The following PAAF1 variants were observed in gnomAD, a reference collection of about 807,000 sequenced individuals.
The protein encoded by PAAF1 is proteasomal ATPase-associated factor 1.
In PAAF1, 46 loss-of-function variants were observed where a neutral mutation model predicts 52.8. That is an observed-to-expected ratio of 0.87 (90% CI 0.69 to 1.11). PAAF1 has a LOEUF of 1.11. PAAF1 is among the 50% of genes most tolerant of loss of function. The pLI is 0.00. For synonymous variants in PAAF1, 178 were observed against 172.8 expected, an observed-to-expected ratio of 1.03 and a Z score of -0.24; for missense variants, 424 against 477.4, an observed-to-expected ratio of 0.89 and a Z score of 1.04.
In PAAF1 at chr11:73,900,344, G is replaced by C; in HGVS notation, c.456G>C (p.Gly152=). Residue 152 remains glycine, a synonymous_variant, in exon 6 of 12, where the codon GGG becomes GGC. Transcript: ENST00000310571. Reference sequence around the variant, plus strand: ...CATCAGGCCTTGTGGTCCTGAGTGGGGGAATGGATGCCCAGCTGAAGATAT... The same window carrying C: ...CATCAGGCCTTGTGGTCCTGAGTGGCGGAATGGATGCCCAGCTGAAGATAT... ...FFPSGLVVLS[G]GMDAQLKIWS... The C allele has an allele frequency of 1.1e-5, 17 of 1,613,036 alleles. No individual in the cohort carries two copies. The highest frequency in any genetic ancestry group is 1.4e-5 in the Non-Finnish European group (16 of 1,179,218).
At chr11:73,917,318 C>T (rs1346865103) in intron 9 of PAAF1, among the ~76,000 whole-genome samples, 2 of 152,058 alleles carry the variant, frequency 1.3e-5, no homozygotes, top group African/African-American at 2.4e-5. Flanking sequence ...TGTACCCAGC[C>T]CTGAATGATC....
At chr11:73,925,742 T>A (rs751512100) in intron 11 of PAAF1, among the ~76,000 whole-genome samples, 6 of 152,194 alleles carry the variant, frequency 3.9e-5, no homozygotes, top group Non-Finnish European at 7.3e-5. Flanking sequence ...TTTGTTACTA[T>A]TTGTTGAGGT....
chr11:73,882,804 C>T (rs1443567418), intron 2 of PAAF1, among the ~76,000 whole-genome samples: 4 of 152,014 alleles, frequency 2.6e-5, no homozygotes, highest in East Asian at 3.9e-4. Context: ...GGGGTTTCAC[C>T]GTGTTAAGCA....
intron 2 of PAAF1, among the ~76,000 whole-genome samples, chr11:73,883,678 G>A (rs148912854): frequency 0.011 from 1,657 of 152,026 alleles, 21 homozygotes; most frequent in African/African-American, 0.035. Flanking sequence ...CACCACACCC[G>A]GGTAATTTTT....
intron 4 of PAAF1, among the ~76,000 whole-genome samples, chr11:73,896,990 A>G: frequency 1.1e-5 from 1 of 89,714 alleles, no homozygotes; most frequent in African/African-American, 4.5e-5. Context: ...TGACCCCCCC[A>G]CCTCCCTCCT....
chr11:73,911,357 T>A (rs1419725360), intron 7 of PAAF1, among the ~76,000 whole-genome samples: 1 of 152,152 alleles, frequency 6.6e-6, no homozygotes, highest in Non-Finnish European at 1.5e-5. Flanking sequence ...TACTTTTTTT[T>A]ATTTTTGTAG....
intron 6 of PAAF1, among the ~76,000 whole-genome samples, chr11:73,907,214 G>A (rs907348276): frequency 1.3e-5 from 2 of 151,888 alleles, no homozygotes; most frequent in Non-Finnish European, 2.9e-5. Flanking sequence ...CTATAAAATC[G>A]ATAGGCATTT....
At chr11:73,909,006 T>A (rs1477416729) in intron 6 of PAAF1, among the ~76,000 whole-genome samples, 1 of 152,072 alleles carries the variant, frequency 6.6e-6, no homozygotes, top group Non-Finnish European at 1.5e-5. Flanking sequence ...AGGCTGGTCT[T>A]GAACTGCTGA....
intron 2 of PAAF1, 32 bp downstream of exon 2, chr11:73,878,851 T>A (rs201296473): frequency 5.7e-5 from 92 of 1,603,108 alleles, no homozygotes; most frequent in Non-Finnish European, 7.7e-5. Context: ...TGCTGTGACT[T>A]TAAAGGAGAA....
intron 10 of PAAF1, among the ~76,000 whole-genome samples, chr11:73,919,589 G>A (rs1950155412): frequency 6.6e-6 from 1 of 152,236 alleles, no homozygotes; most frequent in Non-Finnish European, 1.5e-5. Flanking sequence ...CTGCTATGTA[G>A]TAGGTACTGT....
At chr11:73,919,994 G>C (rs894352096) in intron 10 of PAAF1, among the ~76,000 whole-genome samples, 10 of 152,100 alleles carry the variant, frequency 6.6e-5, no homozygotes, top group African/African-American at 2.4e-4. Context: ...AACTAAGTCA[G>C]TGGTATTCTG....
intron 2 of PAAF1, among the ~76,000 whole-genome samples, chr11:73,882,435 ATTAT>A (rs754294044): frequency 7.3e-6 from 1 of 137,018 alleles, no homozygotes; most frequent in East Asian, 2.1e-4. Context: ...TTTTATTTTT[ATTAT>A]TTATTTATTT....
Position 73,887,347 on chromosome 11 carries a change from C to T in PAAF1, c.89-7C>T. The T allele has an allele frequency of 6.3e-7, 1 of 1,594,540 alleles. No individual in the cohort carries two copies. The highest frequency in any genetic ancestry group is 8.5e-7 in the Non-Finnish European group (1 of 1,169,962). On this transcript the variant is annotated splice_polypyrimidine_tract_variant and splice_region_variant and intron_variant, in intron 2 of 11. Transcript: ENST00000310571. ...TTTTTGAGACATGCTTCTTTTGTAC[C>T]ATATAGGGAAACCATCTTTGTATGG...
At chr11:73,886,910 C>A in intron 2 of PAAF1, 1 of 373,562 alleles carries the variant, frequency 2.7e-6, no homozygotes. Context: ...AGTTCTCACT[C>A]TGTTCTTTCC....
intron 4 of PAAF1, among the ~76,000 whole-genome samples, chr11:73,896,192 C>G (rs557304099): frequency 6.8e-6 from 1 of 147,164 alleles, no homozygotes; most frequent in East Asian, 2.0e-4. Context: ...TCTGAAAGAT[C>G]TATATCTGTA....
intron 4 of PAAF1, among the ~76,000 whole-genome samples, chr11:73,895,805 T>A (rs1439935248): frequency 6.6e-6 from 1 of 152,184 alleles, no homozygotes; most frequent in African/African-American, 2.4e-5. Context: ...TGATTGCTGA[T>A]ACTGAAATTA....
rs1215181984 is a variant in PAAF1, at chr11:73,924,648, TA to T, written c.1053del (p.Asp352ThrfsTer17). 1.2e-5 allele frequency: 20 copies of T among 1,614,096 alleles called. No individual in the cohort carries two copies. The East Asian group carries it at 4.2e-4, about 34-fold the overall frequency. ...AGCTGTTTTATTGTCCAGCAAGACT[TA>T]GACTATGTCACTGAGCTCACTGGGG... Reference protein sequence around the residue: ...DGSCFIVQQDLDYVTELTGAD... With the variant: ...DGSCFIVQQDXDYVTELTGAD... On this transcript the variant is annotated frameshift_variant, in exon 11 of 12. Coordinates refer to ENST00000310571, the MANE Select transcript of PAAF1 (RefSeq NM_025155.3). LOFTEE classifies it high-confidence loss of function.
In PAAF1 at chr11:73,877,087, CAG is replaced by C. The variant is rs1948762644; in HGVS notation, c.47+22_47+23del. 2 of 1,520,594 alleles carry C rather than the reference CAG, an allele frequency of 1.3e-6. No individual in the cohort carries two copies. The highest frequency in any genetic ancestry group is 2.5e-5 in the South Asian group (2 of 80,022). The allele number at this position is 1,520,594 out of a possible 1,614,324, so 94.2% of individuals were successfully genotyped here. ...CCCTCAGGTGAATCCAGGCCCAGAA[CAG>C]AGTCAGAGGAGGCGGGTAGTGGATG... On this transcript the variant is annotated intron_variant, in intron 1 of 11. Coordinates refer to ENST00000310571, the MANE Select transcript of PAAF1 (RefSeq NM_025155.3).
At chr11:73,914,363 T>C (rs758122159) in intron 7 of PAAF1, 50 bp from the exon 8 acceptor site, 1 of 1,526,004 alleles carries the variant, frequency 6.6e-7, no homozygotes, top group South Asian at 1.1e-5. Flanking sequence ...GTGTGGGCAC[T>C]ACCAGCTGAT....
Sources: gnomAD v4.1 joint callset for allele counts (sites outside exome capture counted in the v4.1 genomes callset) on GRCh38, gnomAD v4.1.1 for gene constraint, MANE v1.5 for transcripts, NCBI Gene and HGNC (gene_info 2026-07-23, HGNC 2026-07-21) for gene names.